Variants in KRT85 observed in about 807,000 individuals in gnomAD.
KRT85 encodes keratin, type II cuticular Hb5.
Under a neutral mutation model 53.7 loss-of-function variants are expected in KRT85, and 39 were observed. The ratio of observed to expected loss-of-function variants is 0.73; its 90% CI spans 0.56 to 0.95. The LOEUF is 0.95. Among genes scored for constraint, KRT85 ranks in the 40% least tolerant of loss-of-function variants. The probability of loss-of-function intolerance (pLI) is 0.00; values close to 1 mark genes in which losing one functional copy is unlikely to be tolerated. For synonymous variants in KRT85, 291 were observed against 277.5 expected, an observed-to-expected ratio of 1.05 and a Z score of -0.48; for missense variants, 668 against 686.0, an observed-to-expected ratio of 0.97 and a Z score of 0.29.
intron 6 of KRT85, 77 bp from the exon 7 acceptor site, chr12:52,362,548 G>T: frequency 7.7e-6 from 12 of 1,558,224 alleles, no homozygotes; most frequent in Non-Finnish European, 1.1e-5. Flanking sequence ...TGGAGCCAGG[G>T]CAGGGAGAGG....
intron 8 of KRT85, 61 bp from the exon 9 acceptor site, chr12:52,361,107 C>T: frequency 7.0e-7 from 1 of 1,436,732 alleles, no homozygotes; most frequent in Non-Finnish European, 9.6e-7. Context: ...CACCCTACAA[C>T]AGGCCCCAGG....
chr12:52,366,954 G>T, intron 1 of KRT85, 32 bp downstream of exon 1: 1 of 1,613,964 alleles, frequency 6.2e-7, no homozygotes, highest in South Asian at 1.1e-5. Flanking sequence ...CAGGGCTGGA[G>T]GCTTCTCTGG....
At chr12:52,361,091 C>A in intron 8 of KRT85, 45 bp from the exon 9 acceptor site, 1 of 1,519,822 alleles carries the variant, frequency 6.6e-7, no homozygotes, top group Non-Finnish European at 9.0e-7. Context: ...TCCCTGCAAT[C>A]TCACCCACCC....
rs750203723 is a variant in KRT85 at position 52,367,452 on chromosome 12, G to A, written c.-47C>T. ...TGAGAGGCAGCGGAAGGTGGTGCGG[G>A]CGGCAGAGTGCGAGGCTCAGGATCC... On this transcript the variant is annotated 5_prime_UTR_variant, in exon 1 of 9. Transcript: ENST00000257901. The A allele has an allele frequency of 2.5e-6, 4 of 1,591,532 alleles. No individual in the cohort carries two copies. The highest frequency in any genetic ancestry group is 2.2e-5 in the East Asian group (1 of 44,506).
chr12:52,366,595 C>T (rs1285849013), intron 1 of KRT85, among the ~76,000 whole-genome samples: 3 of 152,148 alleles, frequency 2.0e-5, no homozygotes, highest in Admixed American at 6.5e-5. Flanking sequence ...AGTCCTATGT[C>T]GTCTTGGCTC....
In KRT85 at chr12:52,362,970, T is replaced by C; in HGVS notation, c.961A>G (p.Met321Val). 1 of 1,614,066 alleles carries C rather than the reference T, an allele frequency of 6.2e-7. No individual in the cohort carries two copies. Among genetic ancestry groups the C allele is most frequent in the Non-Finnish European group, 8.5e-7 (1 of 1,180,002 alleles). Residue 321 changes from methionine (M) to valine (V), a missense_variant, in exon 6 of 9, where the codon ATG (methionine) becomes GTG (valine). Met to Val is a conservative substitution (Grantham distance 21). Transcript: ENST00000257901. ...ESWYRSKCEE[M>V]KATVIRHGET... ...CCATGCCTGATCACCGTGGCCTTCATCTCCTCACACTGGAGGAAGTAGAGA... is the reference window on the plus strand; with the variant it reads ...CCATGCCTGATCACCGTGGCCTTCACCTCCTCACACTGGAGGAAGTAGAGA...
Position 52,360,704 on chromosome 12 carries a change from C to T in KRT85, c.*149G>A. Reference sequence around the variant, plus strand: ...GCATGAAAAGGCGCAGGGGAGCGGCCCGAGGGTCTTTCCCTCTGTAGGTCT... The same window carrying T: ...GCATGAAAAGGCGCAGGGGAGCGGCTCGAGGGTCTTTCCCTCTGTAGGTCT... On this transcript the variant is annotated 3_prime_UTR_variant, in exon 9 of 9. Coordinates refer to ENST00000257901, the MANE Select transcript of KRT85 (RefSeq NM_002283.4). 1.1e-6 allele frequency: 1 copy of T among 891,382 alleles called. No individual in the cohort carries two copies. The highest frequency in any genetic ancestry group is 1.8e-6 in the Non-Finnish European group (1 of 555,482). The allele number at this position is 891,382 out of a possible 1,614,324, so 55.2% of individuals were successfully genotyped here.
Position 52,364,320 on chromosome 12 carries a change from C to A in KRT85, c.676G>T (p.Val226Phe), listed in dbSNP as rs189020838. 9 of 1,614,194 alleles carry A rather than the reference C, an allele frequency of 5.6e-6. No homozygotes were observed. In the Admixed American group the frequency reaches 1.2e-4, roughly 21 times the overall value. ...ALRATAENEF[V>F]VLKKDVDCAY... Reference sequence around the variant, plus strand: ...CAGCCCCTCACCTTCTTTAGAACGACAAACTCATTCTCTGCTGTGGCTCTC... The same window carrying A: ...CAGCCCCTCACCTTCTTTAGAACGAAAAACTCATTCTCTGCTGTGGCTCTC... The change falls in exon 3 of 9, where the codon GTC becomes TTC. Residue 226 changes from valine to phenylalanine, a missense_variant. This residue lies in a region of KRT85 where 488 missense variants were observed against 498.1 expected (regional missense o/e 0.98). Coordinates refer to ENST00000257901, the MANE Select transcript of KRT85 (RefSeq NM_002283.4).
chr12:52,365,292 G>T, intron 1 of KRT85, 122 bp from the exon 2 acceptor site: 1 of 1,064,162 alleles, frequency 9.4e-7, no homozygotes, highest in Non-Finnish European at 1.4e-6. Flanking sequence ...AGTGTCTGCG[G>T]CTCAAGGGGC....
rs779681350 is a variant in KRT85 at position 52,364,115 on chromosome 12, C to G, written c.739G>C (p.Glu247Gln). Residue 247 changes from glutamate to glutamine, a missense_variant, in exon 4 of 9, where the codon GAG becomes CAG. Glu to Gln is a conservative substitution (Grantham distance 29). Around this residue, in one of 3 missense-constraint regions of KRT85, gnomAD observed 488 missense variants for 498.1 expected, o/e 0.98. Coordinates refer to ENST00000257901, the MANE Select transcript of KRT85 (RefSeq NM_002283.4). Reference sequence around the variant, plus strand: ...AAGCTAGACTCCTCCACCAGGGCCTCCACATTGGCCTCCAGGTCTGATTTC... The same window carrying G: ...AAGCTAGACTCCTCCACCAGGGCCTGCACATTGGCCTCCAGGTCTGATTTC... ...LRKSDLEANVEALVEESSFLR... is the reference protein window; with the variant it reads ...LRKSDLEANVQALVEESSFLR... The G allele has an allele frequency of 6.2e-7, 1 of 1,614,176 alleles. No individual in the cohort carries two copies. Among genetic ancestry groups the G allele is most frequent in the Admixed American group, 1.7e-5 (1 of 60,032 alleles).
intron 2 of KRT85, 164 bp from the exon 3 acceptor site, chr12:52,364,530 T>A (rs1037141418): frequency 1.0e-5 from 15 of 1,486,826 alleles, no homozygotes; most frequent in African/African-American, 1.4e-5. Context: ...GGCCAGCCCT[T>A]GTCCTAGCCT....
intron 8 of KRT85, 43 bp from the exon 9 acceptor site, chr12:52,361,089 A>T (rs1565767010): frequency 6.6e-7 from 1 of 1,523,002 alleles, no homozygotes; most frequent in Non-Finnish European, 9.0e-7. Context: ...GCTCCCTGCA[A>T]TCTCACCCAC....
chr12:52,364,617 A>G (rs1057480502), intron 2 of KRT85: 3 of 1,439,564 alleles, frequency 2.1e-6, no homozygotes, highest in African/African-American at 1.4e-5. Context: ...GTCTAAAATC[A>G]TCTGTGCATC....
chr12:52,361,568 G>A, intron 7 of KRT85, 70 bp from the exon 8 acceptor site: 2 of 1,397,046 alleles, frequency 1.4e-6, no homozygotes, highest in Non-Finnish European at 1.0e-6. Flanking sequence ...GGTTGCTTGG[G>A]GACAGAGAGG....
chr12:52,364,886 G>A (rs931273838), intron 2 of KRT85, 76 bp downstream of exon 2: 1 of 1,609,326 alleles, frequency 6.2e-7, no homozygotes, highest in African/African-American at 1.3e-5. Flanking sequence ...AGAAGCTGTG[G>A]CAAGAGGGCT....
At position 52,367,298 on chromosome 12, in the gene KRT85, G is replaced by A; in HGVS notation, c.108C>T (p.Ala36=). Residue 36 remains alanine (A), a synonymous_variant, in exon 1 of 9, where the codon GCC becomes GCT. Coordinates refer to ENST00000257901, the MANE Select transcript of KRT85 (RefSeq NM_002283.4). ...PKTGNRCCIS[A]APYRGVSCYR... ...AGCAGGACACCCCTCGGTAGGGGGC[G>A]GCGCTGATGCAGCAGCGGTTGCCAG... 2 of 1,613,560 alleles carry A rather than the reference G, an allele frequency of 1.2e-6. No homozygotes were observed. The highest frequency in any genetic ancestry group is 8.5e-7 in the Non-Finnish European group (1 of 1,179,676).
chr12:52,363,278 G>T lies in KRT85; in HGVS notation c.919C>A (p.Arg307=). ...CGGTACCAGGACTCAGCCTCGGCCC[G>T]GCTGCGGCTGGCAACATCGTCATAC... The part of the protein sequence containing the change: ...AQYDDVASRS[R]AEAESWYRSK... The change falls in exon 5 of 9, where the codon CGG becomes AGG. Residue 307 remains arginine, a synonymous_variant. Transcript: ENST00000257901. 1.2e-6 allele frequency: 2 copies of T among 1,614,178 alleles called. No homozygotes were observed. The highest frequency in any genetic ancestry group is 1.7e-6 in the Non-Finnish European group (2 of 1,180,030).
Position 52,362,866 on chromosome 12 carries a change from A to C in KRT85, c.1065T>G (p.Asn355Lys). 6.2e-7 allele frequency: 1 copy of C among 1,614,090 alleles called. No individual in the cohort carries two copies. Among genetic ancestry groups the C allele is most frequent in the African/African-American group, 1.3e-5 (1 of 75,012 alleles). Reference sequence around the variant, plus strand: ...CCACAGACCCCACCTGGCACTTGGCATTCTCAATCTCGGCCGTCAGCCTCT... The same window carrying C: ...CCACAGACCCCACCTGGCACTTGGCCTTCTCAATCTCGGCCGTCAGCCTCT... ...MIQRLTAEIE[N>K]AKCQRAKLEA... The change falls in exon 6 of 9, where the codon AAT (asparagine) becomes AAG (lysine). Residue 355 changes from asparagine to lysine, a missense_variant. Coordinates refer to ENST00000257901, the MANE Select transcript of KRT85 (RefSeq NM_002283.4).
chr12:52,364,457 G>A, intron 2 of KRT85, 91 bp from the exon 3 acceptor site: 1 of 1,609,164 alleles, frequency 6.2e-7, no homozygotes, highest in East Asian at 2.2e-5. Context: ...GGATTGAAAA[G>A]GGATTAATCC....
Sources: gnomAD v4.1 joint callset for allele counts (sites outside exome capture counted in the v4.1 genomes callset) on GRCh38, gnomAD v4.1.1 for gene constraint, gnomAD v4.1.1 regional missense constraint, MANE v1.5 for transcripts, NCBI Gene and HGNC (gene_info 2026-07-23, HGNC 2026-07-21) for gene names.